The following ZCCHC7 variants were observed in gnomAD, a reference collection of about 807,000 sequenced individuals.
The protein encoded by ZCCHC7 is zinc finger CCHC domain-containing protein 7.
In ZCCHC7, 35 loss-of-function variants were observed where a neutral mutation model predicts 52.0. That is an observed-to-expected ratio of 0.67 (90% confidence interval 0.51 to 0.89). The LOEUF is 0.89. ZCCHC7 is among the 40% of genes least tolerant of loss of function. ZCCHC7 has a pLI of 0.00. For synonymous variants in ZCCHC7, 217 were observed against 221.5 expected, an observed-to-expected ratio of 0.98 and a Z score of 0.18; for missense variants, 574 against 649.1, an observed-to-expected ratio of 0.88 and a Z score of 1.26.
chr9:37,336,858 C>T (rs1830687710), intron 6 of ZCCHC7, among the ~76,000 whole-genome samples: 1 of 152,116 alleles, frequency 6.6e-6, no homozygotes, highest in African/African-American at 2.4e-5. Flanking sequence ...TGCATCAAAG[C>T]TTGTGGTCCT....
At chr9:37,209,104 G>T (rs960850278) in intron 2 of ZCCHC7, among the ~76,000 whole-genome samples, 1 of 151,518 alleles carries the variant, frequency 6.6e-6, no homozygotes, top group Non-Finnish European at 1.5e-5. Flanking sequence ...GTAGTGGTGC[G>T]ACCTCAGCTC....
At chr9:37,136,208 C>T (rs1338214175) in intron 2 of ZCCHC7, among the ~76,000 whole-genome samples, 1 of 151,934 alleles carries the variant, frequency 6.6e-6, no homozygotes, top group African/African-American at 2.4e-5. Flanking sequence ...GTGCAGTTGG[C>T]CAACTTTGAC....
intron 2 of ZCCHC7, among the ~76,000 whole-genome samples, chr9:37,277,480 GAAATAAAATAAATA>G (rs750390319): frequency 2.2e-4 from 33 of 151,866 alleles, no homozygotes; most frequent in Non-Finnish European, 3.7e-4. Context: ...CCCCATCTCT[GAAATAAAATAAATA>G]AAATAAAATA....
At chr9:37,308,220 T>C (rs2133733493) in intron 5 of ZCCHC7, among the ~76,000 whole-genome samples, 1 of 152,356 alleles carries the variant, frequency 6.6e-6, no homozygotes, top group South Asian at 2.1e-4. Context: ...TTTTAGTGTT[T>C]ACCAAGTCTT....
chr9:37,326,527 T>C (rs952557252), intron 5 of ZCCHC7, among the ~76,000 whole-genome samples: 1 of 149,352 alleles, frequency 6.7e-6, no homozygotes, highest in African/African-American at 2.5e-5. Context: ...CTATAGGAAA[T>C]TACACAGGAA....
At chr9:37,267,057 T>A (rs921586512) in intron 2 of ZCCHC7, among the ~76,000 whole-genome samples, 4 of 152,234 alleles carry the variant, frequency 2.6e-5, no homozygotes, top group African/African-American at 9.6e-5. Context: ...CTGTGGGATA[T>A]GCCTGTACAA....
intron 2 of ZCCHC7, among the ~76,000 whole-genome samples, chr9:37,265,759 A>G (rs909225415): frequency 5.3e-5 from 8 of 152,080 alleles, no homozygotes; most frequent in Non-Finnish European, 1.0e-4. Context: ...TCCTTTTTCA[A>G]AGGTATCCTA....
At chr9:37,190,237 C>T (rs190517382) in intron 2 of ZCCHC7, among the ~76,000 whole-genome samples, 49 of 152,112 alleles carry the variant, frequency 3.2e-4, no homozygotes, top group Non-Finnish European at 3.8e-4. Flanking sequence ...TCACTGCTTC[C>T]ACCACCATCT....
At chr9:37,249,065 A>G (rs1339581600) in intron 2 of ZCCHC7, among the ~76,000 whole-genome samples, 1 of 152,144 alleles carries the variant, frequency 6.6e-6, no homozygotes, top group Non-Finnish European at 1.5e-5. Flanking sequence ...AAACTTGAAT[A>G]TTGTCCCTTT....
At chr9:37,331,320 A>G (rs565015068) in intron 6 of ZCCHC7, among the ~76,000 whole-genome samples, 35 of 151,696 alleles carry the variant, frequency 2.3e-4, no homozygotes, top group African/African-American at 8.4e-4. Flanking sequence ...TATCTTATAA[A>G]CCATAAGTAA....
At chr9:37,326,601 T>C (rs191498717) in intron 5 of ZCCHC7, among the ~76,000 whole-genome samples, 13 of 151,964 alleles carry the variant, frequency 8.6e-5, no homozygotes, top group Non-Finnish European at 1.5e-4. Context: ...TTGAAACATA[T>C]CTACTTTTTT....
At chr9:37,182,820 C>T (rs147499114) in intron 2 of ZCCHC7, among the ~76,000 whole-genome samples, 80 of 152,248 alleles carry the variant, frequency 5.3e-4, no homozygotes, top group African/African-American at 1.7e-3. Context: ...ATTGTTAAAT[C>T]GTAGTAACAT....
chr9:37,184,694 T>TTGC (rs990723623), intron 2 of ZCCHC7, among the ~76,000 whole-genome samples: 21 of 149,602 alleles, frequency 1.4e-4, no homozygotes, highest in Admixed American at 1.2e-3. Context: ...TGATTTGTTG[T>TTGC]TGTTGTTGTT....
In ZCCHC7 at chr9:37,357,951, T is replaced by G. The variant is rs1381050168; in HGVS notation, c.*683T>G. ...TTAACATAATCACAATGAAATCATT[T>G]TTTACCACTTTTACAGCGGTGTTTC... is the stretch of plus-strand genomic sequence containing the variant. On this transcript the variant is annotated 3_prime_UTR_variant, in exon 9 of 9. Transcript: ENST00000336755. 4 of 152,114 alleles carry G rather than the reference T, an allele frequency of 2.6e-5. No homozygotes were observed. The highest frequency in any genetic ancestry group is 7.2e-5 in the African/African-American group (3 of 41,414). 9.4% of individuals were successfully genotyped at this position (152,114 alleles called of 1,614,324 possible). A position where few individuals can be genotyped will look rare whatever the true frequency, so the allele number is the denominator to read the frequency against.
chr9:37,179,369 T>G (rs930371286), intron 2 of ZCCHC7, among the ~76,000 whole-genome samples: 7 of 152,202 alleles, frequency 4.6e-5, no homozygotes, highest in African/African-American at 1.7e-4. Flanking sequence ...CCAATTTACC[T>G]GCCGTAATAG....
intron 2 of ZCCHC7, among the ~76,000 whole-genome samples, chr9:37,196,771 T>C (rs1197562224): frequency 6.6e-6 from 1 of 152,150 alleles, no homozygotes; most frequent in Non-Finnish European, 1.5e-5. Context: ...TTTAATAAAA[T>C]TGTGTTATGA....
chr9:37,200,583 A>G (rs1022636516), intron 2 of ZCCHC7, among the ~76,000 whole-genome samples: 1 of 152,190 alleles, frequency 6.6e-6, no homozygotes, highest in African/African-American at 2.4e-5. Flanking sequence ...CTGATGTGCA[A>G]CTGTTGAGTC....
chr9:37,327,162 T>A (rs1208562974), intron 5 of ZCCHC7: 1 of 152,156 alleles, frequency 6.6e-6, no homozygotes, highest in Non-Finnish European at 1.5e-5. Flanking sequence ...TAGTTTCAAT[T>A]AGTATATCTT....
intron 2 of ZCCHC7, among the ~76,000 whole-genome samples, chr9:37,171,076 G>A (rs1821703198): frequency 6.6e-6 from 1 of 152,198 alleles, no homozygotes. Context: ...TTGACAGTAG[G>A]TTTATAAAAT....
Sources: gnomAD v4.1 joint callset for allele counts (sites outside exome capture counted in the v4.1 genomes callset) on GRCh38, gnomAD v4.1.1 for gene constraint, MANE v1.5 for transcripts, NCBI Gene and HGNC (gene_info 2026-07-23, HGNC 2026-07-21) for gene names.